The following ESR1 variants were observed in gnomAD, a reference collection of about 807,000 sequenced individuals.
The protein encoded by ESR1 is estrogen receptor 1.
Under a neutral mutation model 52.7 loss-of-function variants are expected in ESR1, and 12 were observed. That is an observed-to-expected ratio of 0.23 (90% CI 0.15 to 0.37). The LOEUF (loss-of-function observed/expected upper bound fraction) is 0.37, where lower values mean the gene tolerates loss of function less well. ESR1 is among the 10% of genes least tolerant of loss of function. ESR1 has a pLI of 1.00. For synonymous variants in ESR1, 305 were observed against 316.8 expected (o/e 0.96, Z 0.39); for missense variants, 584 against 779.7 (o/e 0.75, Z 2.99).
intron 6 of ESR1, among the ~76,000 whole-genome samples, chr6:152,092,421 T>C (rs2050259081): frequency 6.6e-6 from 1 of 152,230 alleles, no homozygotes; most frequent in Non-Finnish European, 1.5e-5. Flanking sequence ...CTGTTTACTA[T>C]GAGTTCCTCT....
chr6:151,988,872 C>T (rs12212176), intron 4 of ESR1, among the ~76,000 whole-genome samples: 18,808 of 151,874 alleles, frequency 0.12, 1,600 homozygotes, highest in Middle Eastern at 0.2. Flanking sequence ...ACATTAAAGT[C>T]GGGCACATTG....
intron 2 of ESR1, among the ~76,000 whole-genome samples, chr6:151,741,397 G>T (rs535073080): frequency 6.6e-6 from 1 of 152,110 alleles, no homozygotes; most frequent in South Asian, 2.1e-4. Context: ...AGCGCATACG[G>T]GATAAGGGCA....
chr6:152,050,719 A>C (rs975011943), intron 5 of ESR1, among the ~76,000 whole-genome samples: 4 of 152,200 alleles, frequency 2.6e-5, no homozygotes, highest in Admixed American at 2.0e-4. Context: ...TGAGATCATC[A>C]ATCCCATTCT....
At chr6:151,797,619 T>G (rs1421781665) in intron 2 of ESR1, among the ~76,000 whole-genome samples, 1 of 152,218 alleles carries the variant, frequency 6.6e-6, no homozygotes, top group Non-Finnish European at 1.5e-5. Flanking sequence ...AAGTCTACCT[T>G]CAGGCATTGC....
chr6:151,903,727 G>A (rs932404880), intron 3 of ESR1, among the ~76,000 whole-genome samples: 2 of 152,310 alleles, frequency 1.3e-5, no homozygotes, highest in African/African-American at 4.8e-5. Context: ...GGATTATGCT[G>A]TCCCACCAGT....
intron 1 of ESR1, among the ~76,000 whole-genome samples, chr6:151,700,502 C>G (rs1779688170): frequency 6.6e-6 from 1 of 151,974 alleles, no homozygotes; most frequent in African/African-American, 2.4e-5. Flanking sequence ...AGTCTGAGGA[C>G]CAGTGTGGTA....
intron 5 of ESR1, among the ~76,000 whole-genome samples, chr6:152,022,807 A>G (rs1428452161): frequency 8.6e-6 from 1 of 115,666 alleles, no homozygotes; most frequent in Non-Finnish European, 1.7e-5. Flanking sequence ...CCCTGTCTCT[A>G]CTAAAAATAA....
intron 1 of ESR1, among the ~76,000 whole-genome samples, chr6:151,820,868 C>A (rs115194533): frequency 0.01 from 1,594 of 152,242 alleles, 28 homozygotes; most frequent in African/African-American, 0.037. Context: ...CAAAGACTTG[C>A]TGGTAGCAAC....
chr6:151,850,108 A>AATTTTATATG (rs1491263524), intron 2 of ESR1, among the ~76,000 whole-genome samples: 3,897 of 27,736 alleles, frequency 0.14, 723 homozygotes, highest in East Asian at 0.38. Flanking sequence ...ATATATATAT[A>AATTTTATATG]CAAAATTATA....
intron 5 of ESR1, among the ~76,000 whole-genome samples, chr6:152,033,782 T>C (rs2044984598): frequency 6.6e-6 from 1 of 152,146 alleles, no homozygotes. Flanking sequence ...GACCCAGCCA[T>C]CCCATTACTG....
intron 5 of ESR1, among the ~76,000 whole-genome samples, chr6:152,035,169 CCTTT>C (rs1282108710): frequency 6.6e-6 from 1 of 152,022 alleles, no homozygotes; most frequent in Non-Finnish European, 1.5e-5. Context: ...ATAAGAACTT[CCTTT>C]GTTATTTTGC....
chr6:151,848,639 G>A (rs1232767066), intron 2 of ESR1, among the ~76,000 whole-genome samples: 1 of 152,124 alleles, frequency 6.6e-6, no homozygotes, highest in Non-Finnish European at 1.5e-5. Flanking sequence ...AAAGGTTAGA[G>A]AATGGGGTAG....
chr6:151,783,736 T>C (rs964861476), intron 2 of ESR1, among the ~76,000 whole-genome samples: 3 of 152,218 alleles, frequency 2.0e-5, no homozygotes, highest in African/African-American at 7.2e-5. Context: ...ATTTTATTAT[T>C]AACTTAATTC....
chr6:151,673,148 G>A (rs755791338), intron 1 of ESR1, among the ~76,000 whole-genome samples: 4 of 152,110 alleles, frequency 2.6e-5, no homozygotes, highest in Non-Finnish European at 4.4e-5. Flanking sequence ...TTTGTAAATG[G>A]TTGATGGATA....
chr6:151,989,417 G>A (rs1393258429), intron 4 of ESR1, among the ~76,000 whole-genome samples: 2 of 151,964 alleles, frequency 1.3e-5, no homozygotes, highest in East Asian at 3.8e-4. Flanking sequence ...CAAAATTGTA[G>A]TGTTTACATT....
intron 4 of ESR1, among the ~76,000 whole-genome samples, chr6:151,994,320 A>G (rs1037058157): frequency 6.6e-6 from 1 of 152,202 alleles, no homozygotes; most frequent in Non-Finnish European, 1.5e-5. Context: ...TTATGCCCAC[A>G]TGATATGGAA....
chr6:151,885,651 G>C (rs895726071), intron 3 of ESR1, among the ~76,000 whole-genome samples: 1 of 152,160 alleles, frequency 6.6e-6, no homozygotes, highest in African/African-American at 2.4e-5. Flanking sequence ...GATCACCTGA[G>C]GTCAGGAGTT....
intron 5 of ESR1, among the ~76,000 whole-genome samples, chr6:152,014,989 C>T (rs887110081): frequency 1.3e-5 from 2 of 152,100 alleles, no homozygotes; most frequent in African/African-American, 4.8e-5. Context: ...ATCGCTTGAA[C>T]ATGGGAGGCA....
chr6:151,813,607 A>T (rs943067966), intron 1 of ESR1: 1 of 152,206 alleles, frequency 6.6e-6, no homozygotes, highest in African/African-American at 2.4e-5. Flanking sequence ...TATAATTGCT[A>T]TACAAAAAAT....
Sources: gnomAD v4.1 joint callset for allele counts (sites outside exome capture counted in the v4.1 genomes callset) on GRCh38, gnomAD v4.1.1 for gene constraint, MANE v1.5 for transcripts, NCBI Gene and HGNC (gene_info 2026-07-23, HGNC 2026-07-21) for gene names.